The following CCDC85A variants were observed in gnomAD, a reference collection of about 807,000 sequenced individuals.
CCDC85A encodes the protein coiled-coil domain-containing protein 85A.
A neutral mutation model predicts 50.2 loss-of-function variants in CCDC85A; 38 were observed. That is an observed-to-expected ratio of 0.76 (90% CI 0.58 to 0.99). The LOEUF (loss-of-function observed/expected upper bound fraction) is 0.99, where lower values mean the gene tolerates loss of function less well. CCDC85A is among the 50% of genes least tolerant of loss of function. The pLI is 0.00. For missense variants in CCDC85A, 820 were observed against 742.0 expected, an observed-to-expected ratio of 1.11 and a Z score of -1.22; for synonymous variants, 366 against 301.4, an observed-to-expected ratio of 1.21 and a Z score of -2.22.
intron 3 of CCDC85A, among the ~76,000 whole-genome samples, chr2:56,346,154 T>G (rs1674620916): frequency 6.6e-6 from 1 of 152,236 alleles, no homozygotes. Context: ...CTCCTTTTTA[T>G]TCTTTATATA....
chr2:56,204,625 C>T (rs937164780), intron 2 of CCDC85A, among the ~76,000 whole-genome samples: 5 of 152,152 alleles, frequency 3.3e-5, no homozygotes, highest in Non-Finnish European at 7.4e-5. Context: ...AGCTTTTCTC[C>T]CTACCTGCCA....
chr2:56,297,392 C>G (rs1482048737), intron 2 of CCDC85A, among the ~76,000 whole-genome samples: 1 of 133,734 alleles, frequency 7.5e-6, no homozygotes, highest in Non-Finnish European at 1.6e-5. Context: ...TTTGTACGAG[C>G]CTTTTTTTTT....
At chr2:56,282,129 T>G (rs534020389) in intron 2 of CCDC85A, among the ~76,000 whole-genome samples, 11 of 147,446 alleles carry the variant, frequency 7.5e-5, no homozygotes, top group Admixed American at 1.4e-4. Context: ...ATTTTGAGAG[T>G]TTTTTTTTTA....
chr2:56,279,711 A>G (rs1482651458), intron 2 of CCDC85A, among the ~76,000 whole-genome samples: 1 of 152,122 alleles, frequency 6.6e-6, no homozygotes, highest in Non-Finnish European at 1.5e-5. Context: ...CACTTACTAT[A>G]TTGTCCTCTA....
intron 3 of CCDC85A, among the ~76,000 whole-genome samples, chr2:56,345,116 C>G (rs965574327): frequency 6.6e-6 from 1 of 152,116 alleles, no homozygotes; most frequent in African/African-American, 2.4e-5. Context: ...AACAACTACT[C>G]AATTTAAAGT....
At chr2:56,190,434 G>C (rs1442674294) in intron 1 of CCDC85A, among the ~76,000 whole-genome samples, 1 of 152,222 alleles carries the variant, frequency 6.6e-6, no homozygotes, top group Non-Finnish European at 1.5e-5. Flanking sequence ...GAAGTACATA[G>C]ATGAGGTCTC....
chr2:56,305,471 T>C (rs971035212), intron 2 of CCDC85A, among the ~76,000 whole-genome samples: 27 of 152,230 alleles, frequency 1.8e-4, no homozygotes, highest in African/African-American at 6.0e-4. Flanking sequence ...TGTTAAACGC[T>C]GTAATCCCTC....
intron 2 of CCDC85A, among the ~76,000 whole-genome samples, chr2:56,291,162 G>A (rs551325601): frequency 1.2e-4 from 18 of 152,286 alleles, no homozygotes; most frequent in Middle Eastern, 3.4e-3. Flanking sequence ...AGGAGTACAC[G>A]TAGAATAATG....
At chr2:56,372,252 C>A in intron 3 of CCDC85A, 92 bp from the exon 4 acceptor site, 1 of 1,284,694 alleles carries the variant, frequency 7.8e-7, no homozygotes, top group Non-Finnish European at 1.0e-6. Context: ...CATTGTGGTT[C>A]ATCTCATTAA....
chr2:56,284,255 C>T (rs1423705142), intron 2 of CCDC85A, among the ~76,000 whole-genome samples: 3 of 151,980 alleles, frequency 2.0e-5, no homozygotes, highest in Non-Finnish European at 4.4e-5. Flanking sequence ...TTTATTATGT[C>T]TTTTATTGCT....
chr2:56,189,273 A>G (rs1676188921), intron 1 of CCDC85A, among the ~76,000 whole-genome samples: 1 of 141,440 alleles, frequency 7.1e-6, no homozygotes, highest in South Asian at 2.2e-4. Context: ...AGGAGAGGCA[A>G]AACATGCACG....
intron 2 of CCDC85A, among the ~76,000 whole-genome samples, chr2:56,248,508 A>C (rs1226855447): frequency 6.6e-6 from 1 of 151,876 alleles, no homozygotes; most frequent in Non-Finnish European, 1.5e-5. Context: ...CTCAGTTTCC[A>C]CTCAAAGTCC....
rs771068377 is a variant in CCDC85A, at chr2:56,342,886, C to G, written c.1248C>G (p.Thr416=). The G allele has an allele frequency of 6.3e-7, 1 of 1,586,664 alleles. No individual in the cohort carries two copies. Residue 416 remains threonine (T), a synonymous_variant, in exon 3 of 6, where the codon ACC becomes ACG. Transcript: ENST00000407595. The part of the protein sequence containing the change: ...RNVYSGMNES[T]LSYVRQLEAR... ...CTTTCTTTTTAATTTTAGAATCAAC[C>G]TTGTCCTATGTTAGGCAGCTGGAGG... is the stretch of plus-strand genomic sequence containing the variant.
At chr2:56,308,720 A>T (rs1338379280) in intron 2 of CCDC85A, among the ~76,000 whole-genome samples, 1 of 152,184 alleles carries the variant, frequency 6.6e-6, no homozygotes, top group Non-Finnish European at 1.5e-5. Flanking sequence ...AAGAGAACTC[A>T]TATGTATTGA....
At chr2:56,325,196 A>G (rs1465435949) in intron 2 of CCDC85A, among the ~76,000 whole-genome samples, 1 of 152,072 alleles carries the variant, frequency 6.6e-6, no homozygotes, top group Non-Finnish European at 1.5e-5. Flanking sequence ...TTTAAGATTC[A>G]TTTATGGCCA....
intron 2 of CCDC85A, among the ~76,000 whole-genome samples, chr2:56,213,614 G>C (rs1677268661): frequency 6.6e-6 from 1 of 151,850 alleles, no homozygotes; most frequent in South Asian, 2.1e-4. Context: ...GAATCCCCGG[G>C]CTCTAGGATC....
At position 56,184,814 on chromosome 2, in the gene CCDC85A, G is replaced by A. The variant is rs1444696706; in HGVS notation, c.190G>A (p.Val64Met). ...RSLRRAEAEK[V>M]SAMLDHSNLI... ...CCTGCGGCGCGCCGAGGCGGAGAAGGTGAGCGCGATGCTGGACCACAGCAA... is the reference window on the plus strand; with the variant it reads ...CCTGCGGCGCGCCGAGGCGGAGAAGATGAGCGCGATGCTGGACCACAGCAA... Residue 64 changes from valine (V) to methionine (M), a missense_variant, in exon 1 of 6, where the codon GTG (valine) becomes ATG (methionine). Val to Met is a conservative substitution (Grantham distance 21). Transcript: ENST00000407595. 4 of 1,546,096 alleles carry A rather than the reference G, an allele frequency of 2.6e-6. No individual in the cohort carries two copies. Among genetic ancestry groups the A allele is most frequent in the Admixed American group, 3.9e-5 (2 of 50,940 alleles).
chr2:56,223,005 T>C (rs1281788105), intron 2 of CCDC85A, among the ~76,000 whole-genome samples: 1 of 152,138 alleles, frequency 6.6e-6, no homozygotes, highest in African/African-American at 2.4e-5. Flanking sequence ...TCCAAATAAC[T>C]ACCTACCTAC....
intron 2 of CCDC85A, among the ~76,000 whole-genome samples, chr2:56,195,431 C>G (rs994309464): frequency 1.5e-4 from 23 of 152,180 alleles, no homozygotes; most frequent in African/African-American, 5.5e-4. Flanking sequence ...ATGTCTACTT[C>G]AAGTTTTCTC....
Sources: allele counts gnomAD v4.1 joint callset (sites outside exome capture counted in the v4.1 genomes callset), GRCh38; gene constraint gnomAD v4.1.1; transcripts MANE v1.5; gene names NCBI Gene and HGNC (gene_info 2026-07-23, HGNC 2026-07-21).